FBXL14: variants seen among roughly 807,000 people sequenced by gnomAD.
The protein encoded by FBXL14 is F-box/LRR-repeat protein 14.
FBXL14 carries 11 observed loss-of-function variants against 24.5 expected under a neutral mutation model. The ratio of observed to expected loss-of-function variants is 0.45; its 90% CI spans 0.28 to 0.74. The LOEUF (loss-of-function observed/expected upper bound fraction) is 0.74. Among genes scored for constraint, FBXL14 ranks in the 30% least tolerant of loss-of-function variants. FBXL14 has a pLI of 0.12. For synonymous variants in FBXL14, 294 were observed against 240.4 expected (o/e 1.22, Z -2.06); for missense variants, 384 against 545.6 (o/e 0.70, Z 2.95).
chr12:1,574,489 T>TGGC (rs1227243693), intron 1 of FBXL14, among the ~76,000 whole-genome samples: 2 of 55,606 alleles, frequency 3.6e-5, no homozygotes, highest in African/African-American at 1.2e-4. Context: ...GAGGGGAGGC[T>TGGC]GGCAGCAGCG....
rs35122636 is a variant in FBXL14 at position 1,569,397 on chromosome 12, C to CTTTT, written c.1195-2591_1195-2588dup. ...ATGCTAAATAAGAAACCACTTCGTT[C>CTTTT]TTTTTTTTTTTTTTTTTGTCTGAGA... is the stretch of plus-strand genomic sequence containing the variant. On this transcript the variant is annotated intron_variant, in intron 1 of 1. Transcript: ENST00000339235. This position sits in a 1 kb window ranked among gnomAD's most constrained non-coding sequence, Gnocchi z 4.2. Among the ~76,000 whole-genome samples the CTTTT allele has an allele frequency of 3.0e-5, 4 of 134,922 alleles. No individual in the cohort carries two copies. Among genetic ancestry groups the CTTTT allele is most frequent in the Admixed American group, 7.5e-5 (1 of 13,348 alleles). The allele number at this position is 134,922 out of a possible 152,430, so 88.5% of individuals were successfully genotyped here. A position where few individuals can be genotyped will look rare whatever the true frequency, so the allele number is the denominator to read the frequency against.
intron 1 of FBXL14, among the ~76,000 whole-genome samples, chr12:1,571,347 T>A (rs1482604483): frequency 6.6e-6 from 1 of 152,182 alleles, no homozygotes; most frequent in Admixed American, 6.6e-5. Context: ...TGGCTGGGAT[T>A]ACAGGCATGC....
At position 1,579,126 on chromosome 12, in the gene FBXL14, T is replaced by A; in HGVS notation, c.1195-12316A>T. ...CTCCTGTAACACTCCCCAAAAGAAGTATGAAAGCCGACATAAAATACGAAT... is the reference window on the plus strand; with the variant it reads ...CTCCTGTAACACTCCCCAAAAGAAGAATGAAAGCCGACATAAAATACGAAT... On this transcript the variant is annotated intron_variant, in intron 1 of 1. Transcript: ENST00000339235. This position sits in a 1 kb window ranked among gnomAD's most constrained non-coding sequence, Gnocchi z 4.3. 6.6e-6 allele frequency among the ~76,000 whole-genome samples: 1 copy of A among 152,036 alleles called. No homozygotes were observed. The highest frequency in any genetic ancestry group is 1.9e-4 in the East Asian group (1 of 5,190).
At chr12:1,590,409 C>A (rs959632056) in intron 1 of FBXL14, among the ~76,000 whole-genome samples, 2 of 152,190 alleles carry the variant, frequency 1.3e-5, no homozygotes, top group African/African-American at 4.8e-5. Flanking sequence ...TTATACTACT[C>A]TTATCAGCTC....
chr12:1,570,432 C>T (rs570669611), intron 1 of FBXL14, among the ~76,000 whole-genome samples: 11 of 152,036 alleles, frequency 7.2e-5, no homozygotes, highest in South Asian at 4.1e-4. Context: ...AAGAGGGCTC[C>T]GCAAAAAAAG....
At chr12:1,578,050 T>C (rs551224927) in intron 1 of FBXL14, among the ~76,000 whole-genome samples, 8 of 152,230 alleles carry the variant, frequency 5.3e-5, no homozygotes, top group Non-Finnish European at 1.0e-4. Flanking sequence ...TTTGACACAA[T>C]GAACTTTAGA....
At position 1,593,494 on chromosome 12, in the gene FBXL14, G is replaced by C. The variant is rs773687315; in HGVS notation, c.573C>G (p.Ala191=). The C allele has an allele frequency of 6.2e-7, 1 of 1,613,716 alleles. No individual in the cohort carries two copies. Among genetic ancestry groups the C allele is most frequent in the Non-Finnish European group, 8.5e-7 (1 of 1,179,950 alleles). The change falls in exon 1 of 2, where the codon GCC becomes GCG. Residue 191 remains alanine, a synonymous_variant. Transcript: ENST00000339235. This position sits in a 1 kb window ranked among gnomAD's most constrained non-coding sequence, Gnocchi z 7.4. ...HLSDVGIGHL[A]GMTRSAAEGC... Reference sequence around the variant, plus strand: ...CCTCCGCCGCGCTGCGCGTCATGCCGGCCAGGTGCCCGATGCCCACATCCG... The same window carrying C: ...CCTCCGCCGCGCTGCGCGTCATGCCCGCCAGGTGCCCGATGCCCACATCCG...
At chr12:1,583,316 C>T (rs577735908) in intron 1 of FBXL14, among the ~76,000 whole-genome samples, 126 of 151,824 alleles carry the variant, frequency 8.3e-4, no homozygotes, top group Admixed American at 1.7e-3. Flanking sequence ...TCCCAAACTC[C>T]CCAGATATGG....
chr12:1,594,098 G>C lies in FBXL14; in HGVS notation c.-32C>G. Reference sequence around the variant, plus strand: ...CCTCCCCCCTCCGCGGCGCTGGGGGGAGGAGGCGCGGGCCCCGCCGCTCCG... The same window carrying C: ...CCTCCCCCCTCCGCGGCGCTGGGGGCAGGAGGCGCGGGCCCCGCCGCTCCG... On this transcript the variant is annotated 5_prime_UTR_variant, in exon 1 of 2. Transcript: ENST00000339235. The C allele has an allele frequency of 7.3e-7, 1 of 1,362,204 alleles. No homozygotes were observed. Among genetic ancestry groups the C allele is most frequent in the Non-Finnish European group, 9.4e-7 (1 of 1,063,356 alleles). 84.4% of individuals were successfully genotyped at this position (1,362,204 alleles called of 1,614,324 possible). A position where few individuals can be genotyped will look rare whatever the true frequency, so the allele number is the denominator to read the frequency against.
intron 1 of FBXL14, among the ~76,000 whole-genome samples, chr12:1,568,069 AGAATCAG>A (rs1157397723): frequency 3.9e-5 from 6 of 152,264 alleles, no homozygotes; most frequent in Non-Finnish European, 8.8e-5. Context: ...GGAATCTCAG[AGAATCAG>A]GACAAATGCC....
intron 1 of FBXL14, chr12:1,574,915 A>ATTTTTTT (rs1248185029): frequency 2.7e-5 from 4 of 150,828 alleles, no homozygotes; most frequent in African/African-American, 7.4e-5. Flanking sequence ...TTTTTAAAAA[A>ATTTTTTT]AAAAATTATC....
In FBXL14 at chr12:1,567,154, A is replaced by G. The variant is rs1333827814; in HGVS notation, c.1195-344T>C. Among the ~76,000 whole-genome samples the G allele has an allele frequency of 6.6e-6, 1 of 152,082 alleles. No individual in the cohort carries two copies. The highest frequency in any genetic ancestry group is 2.4e-5 in the African/African-American group (1 of 41,414). Reference sequence around the variant, plus strand: ...GGTCACAGCCACTATCAAGAAAAAGATATAAGACATACTAAAGGGCAAATA... The same window carrying G: ...GGTCACAGCCACTATCAAGAAAAAGGTATAAGACATACTAAAGGGCAAATA... On this transcript the variant is annotated intron_variant, in intron 1 of 1. Coordinates refer to ENST00000339235, the MANE Select transcript of FBXL14 (RefSeq NM_152441.3). This position sits in a 1 kb window ranked among gnomAD's most constrained non-coding sequence, Gnocchi z 4.8.
intron 1 of FBXL14, among the ~76,000 whole-genome samples, chr12:1,575,336 A>G (rs1304381597): frequency 6.6e-6 from 1 of 152,188 alleles, no homozygotes. Context: ...TATCAATGTA[A>G]TCTATCTTAT....
At chr12:1,574,245 G>GA (rs565640538) in intron 1 of FBXL14, among the ~76,000 whole-genome samples, 1 of 146,796 alleles carries the variant, frequency 6.8e-6, no homozygotes, top group Non-Finnish European at 1.5e-5. Flanking sequence ...ATACAGAGAT[G>GA]ATGAAACCTG....
intron 1 of FBXL14, among the ~76,000 whole-genome samples, chr12:1,581,363 G>C (rs758915701): frequency 1.8e-4 from 27 of 152,144 alleles, no homozygotes; most frequent in South Asian, 2.1e-4. Flanking sequence ...GTTTGGGGAA[G>C]GTCCCCTACA....
Position 1,566,438 on chromosome 12 carries a change from C to A in FBXL14, c.*310G>T. 1 of 282,874 alleles carries A rather than the reference C, an allele frequency of 3.5e-6. No homozygotes were observed. The highest frequency in any genetic ancestry group is 6.6e-6 in the Non-Finnish European group (1 of 152,564). The allele number at this position is 282,874 out of a possible 1,614,324, so 17.5% of individuals were successfully genotyped here. ...ATTAAAGTGTGGAACTTGTAGTTTC[C>A]TGTCGAAGAAGCTTGCAAATTGCAA... On this transcript the variant is annotated 3_prime_UTR_variant, in exon 2 of 2. Coordinates refer to ENST00000339235, the MANE Select transcript of FBXL14 (RefSeq NM_152441.3).
chr12:1,589,002 A>G (rs1376109879), intron 1 of FBXL14, among the ~76,000 whole-genome samples: 1 of 151,452 alleles, frequency 6.6e-6, no homozygotes, highest in East Asian at 1.9e-4. Context: ...TCAAACAGCT[A>G]CCGTTCACTT....
At chr12:1,591,250 C>G (rs1191544032) in intron 1 of FBXL14, among the ~76,000 whole-genome samples, 1 of 152,096 alleles carries the variant, frequency 6.6e-6, no homozygotes, top group Admixed American at 6.6e-5. Flanking sequence ...CCAAACTCCA[C>G]CTTGCGTCCT....
intron 1 of FBXL14, among the ~76,000 whole-genome samples, chr12:1,585,350 A>G (rs1041448675): frequency 3.3e-5 from 5 of 151,366 alleles, no homozygotes; most frequent in Non-Finnish European, 7.4e-5. Flanking sequence ...GTGAGCCAAG[A>G]TTGTGCCACT....
Sources: gnomAD v4.1 joint callset for allele counts (sites outside exome capture counted in the v4.1 genomes callset) on GRCh38, gnomAD v4.1.1 for gene constraint, Gnocchi (gnomAD v3.1) non-coding constraint, MANE v1.5 for transcripts, NCBI Gene and HGNC (gene_info 2026-07-23, HGNC 2026-07-21) for gene names.